Variants in ALK observed in about 807,000 individuals in gnomAD.
The protein encoded by ALK is ALK tyrosine kinase receptor.
A neutral mutation model predicts 163.1 loss-of-function variants in ALK; 74 were observed. The observed-to-expected ratio is 0.45, with a 90% CI of 0.38 to 0.55. ALK has a LOEUF of 0.55. Ranked by LOEUF, ALK falls within the 20% of genes least tolerant of loss-of-function variation. The pLI is 0.00. For missense variants in ALK, 2,063 were observed against 2,105.3 expected (o/e 0.98, Z 0.39); for synonymous variants, 960 against 843.2 (o/e 1.14, Z -2.40).
Position 29,232,426 on chromosome 2 carries a change from G to A in ALK, c.2510C>T (p.Pro837Leu), listed in dbSNP as rs759483564. 1.2e-6 allele frequency: 2 copies of A among 1,614,256 alleles called. No individual in the cohort carries two copies. Among genetic ancestry groups the A allele is most frequent in the South Asian group, 1.1e-5 (1 of 91,082 alleles). Residue 837 changes from proline (P) to leucine (L), a missense_variant, in exon 15 of 29, where the codon CCC becomes CTC. Around this residue, in one of 5 missense-constraint regions of ALK, gnomAD observed 575 missense variants for 626.6 expected, o/e 0.92. Coordinates refer to ENST00000389048, the MANE Select transcript of ALK (RefSeq NM_004304.5). ...ACCACCTCCGGCTGCAATGATCAGG[G>A]GCACCGGCACTCCATCCTTCATCTG... ...VFKMKDGVPV[P>L]LIIAAGGGGR...
intron 4 of ALK, among the ~76,000 whole-genome samples, chr2:29,460,186 T>C (rs1671051612): frequency 6.6e-6 from 1 of 152,180 alleles, no homozygotes; most frequent in African/African-American, 2.4e-5. Context: ...TGTTAATATA[T>C]TTTCTAAATT....
At chr2:29,457,520 C>G (rs915756460) in intron 4 of ALK, among the ~76,000 whole-genome samples, 1 of 152,074 alleles carries the variant, frequency 6.6e-6, no homozygotes, top group Non-Finnish European at 1.5e-5. Flanking sequence ...GGAACTCTTC[C>G]TGCAGGAGCC....
intron 1 of ALK, among the ~76,000 whole-genome samples, chr2:29,828,276 A>T (rs1174976112): frequency 1.3e-5 from 2 of 152,218 alleles, no homozygotes; most frequent in Non-Finnish European, 2.9e-5. Context: ...TCATGTCTAA[A>T]ACACCAAAAG....
intron 1 of ALK, among the ~76,000 whole-genome samples, chr2:29,752,570 G>A (rs1170898483): frequency 1.3e-5 from 2 of 151,788 alleles, no homozygotes; most frequent in South Asian, 2.1e-4. Flanking sequence ...GGATGGTCTC[G>A]ATCTCCTGAC....
chr2:29,879,809 T>C (rs1666810060), intron 1 of ALK, among the ~76,000 whole-genome samples: 1 of 152,196 alleles, frequency 6.6e-6, no homozygotes, highest in Admixed American at 6.5e-5. Flanking sequence ...TCTCTTCCCT[T>C]TGGTAAGAAG....
intron 4 of ALK, among the ~76,000 whole-genome samples, chr2:29,386,487 C>T (rs1669034609): frequency 1.3e-5 from 2 of 152,162 alleles, no homozygotes; most frequent in Non-Finnish European, 2.9e-5. Flanking sequence ...TTGTCTTGTT[C>T]TTCTGAAAAA....
intron 3 of ALK, among the ~76,000 whole-genome samples, chr2:29,669,571 A>T (rs1165984033): frequency 6.6e-6 from 1 of 152,040 alleles, no homozygotes; most frequent in Non-Finnish European, 1.5e-5. Context: ...ATGCCTTTTA[A>T]TTAGAGAATT....
Position 29,207,143 on chromosome 2 carries a change from G to C in ALK, c.3938+28C>G, listed in dbSNP as rs368242875. 48 of 1,571,838 alleles carry C rather than the reference G, an allele frequency of 3.1e-5. No homozygotes were observed. In the African/African-American group the frequency reaches 3.1e-4, roughly 10 times the overall value. On this transcript the variant is annotated intron_variant, in intron 26 of 28. Coordinates refer to ENST00000389048, the MANE Select transcript of ALK (RefSeq NM_004304.5). The stretch of plus-strand genomic sequence containing the variant: ...AGGAGCACCACCTTATGGCTGCAGG[G>C]ATACCTGGAGGATGATGGCTGACTT...
chr2:29,458,629 G>A (rs1193631083), intron 4 of ALK, among the ~76,000 whole-genome samples: 1 of 152,138 alleles, frequency 6.6e-6, no homozygotes, highest in Admixed American at 6.5e-5. Context: ...ATCAAATTAG[G>A]AGTTTCAATG....
At chr2:29,744,296 G>T (rs1053549503) in intron 1 of ALK, among the ~76,000 whole-genome samples, 2 of 152,166 alleles carry the variant, frequency 1.3e-5, no homozygotes, top group African/African-American at 4.8e-5. Flanking sequence ...GGTCTACAGT[G>T]GTGGGAGAGA....
At chr2:29,855,208 T>C (rs914955198) in intron 1 of ALK, among the ~76,000 whole-genome samples, 11 of 152,226 alleles carry the variant, frequency 7.2e-5, no homozygotes, top group Admixed American at 4.6e-4. Context: ...ACATACATTA[T>C]CTCATTTAAT....
chr2:29,231,291 C>T (rs565425670), intron 15 of ALK, among the ~76,000 whole-genome samples: 54 of 152,300 alleles, frequency 3.5e-4, no homozygotes, highest in African/African-American at 1.2e-3. Context: ...GAGCCGAGAC[C>T]GTGCCACTGC....
At chr2:29,346,786 G>T (rs1310448361) in intron 5 of ALK, among the ~76,000 whole-genome samples, 2 of 152,212 alleles carry the variant, frequency 1.3e-5, no homozygotes, top group African/African-American at 4.8e-5. Context: ...GCTGAACCAG[G>T]AAGCAATTCC....
At chr2:29,431,988 A>G (rs919171278) in intron 4 of ALK, among the ~76,000 whole-genome samples, 26 of 151,716 alleles carry the variant, frequency 1.7e-4, no homozygotes, top group Non-Finnish European at 2.9e-5. Flanking sequence ...ATTTCAGCTG[A>G]CCCTTGAAGG....
chr2:29,471,300 A>G (rs1671341097), intron 4 of ALK, among the ~76,000 whole-genome samples: 2 of 152,206 alleles, frequency 1.3e-5, no homozygotes, highest in Admixed American at 6.5e-5. Context: ...TAAAGTTAGC[A>G]TAACTTTGAT....
intron 13 of ALK, among the ~76,000 whole-genome samples, chr2:29,236,565 G>T (rs1338391839): frequency 1.3e-5 from 2 of 152,172 alleles, no homozygotes; most frequent in African/African-American, 4.8e-5. Context: ...CCCTGCTTCT[G>T]ATGTCTCCTT....
Position 29,221,387 on chromosome 2 carries a change from C to T in ALK, c.3516-552G>A, listed in dbSNP as rs952331011. On this transcript the variant is annotated intron_variant, in intron 22 of 28. Transcript: ENST00000389048. ...CATGATCCCTTTAGGACACACAGGG[C>T]AGTAGGGCCTAGGAATTCCACATGG... 8 of 417,652 alleles carry T rather than the reference C, an allele frequency of 1.9e-5. No individual in the cohort carries two copies. In the East Asian group the frequency reaches 3.7e-4, roughly 19 times the overall value. The allele number at this position is 417,652 out of a possible 1,614,324, so 25.9% of individuals were successfully genotyped here.
chr2:29,460,021 A>G (rs1671047716), intron 4 of ALK, among the ~76,000 whole-genome samples: 3 of 152,178 alleles, frequency 2.0e-5, no homozygotes, highest in African/African-American at 7.2e-5. Context: ...CCTCAGCTGG[A>G]ACTCAGCTTG....
chr2:29,681,783 C>T (rs72864502), intron 3 of ALK, among the ~76,000 whole-genome samples: 208 of 149,102 alleles, frequency 1.4e-3, no homozygotes, highest in African/African-American at 4.9e-3. Context: ...TCAACCTCAT[C>T]TTTATTTCAC....
Sources: allele counts gnomAD v4.1 joint callset (sites outside exome capture counted in the v4.1 genomes callset), GRCh38; gene constraint gnomAD v4.1.1; regional missense constraint gnomAD v4.1.1; transcripts MANE v1.5; gene names NCBI Gene and HGNC (gene_info 2026-07-23, HGNC 2026-07-21).